The following OSBPL10 variants were observed in gnomAD, a reference collection of about 807,000 sequenced individuals.
The protein encoded by OSBPL10 is oxysterol binding protein like 10.
Under a neutral mutation model 81.7 loss-of-function variants are expected in OSBPL10, and 49 were observed. That is an observed-to-expected ratio of 0.60 (90% CI 0.48 to 0.76). OSBPL10 has a LOEUF of 0.76. OSBPL10 is among the 30% of genes least tolerant of loss of function. OSBPL10 has a pLI of 0.00. For synonymous variants in OSBPL10, 419 were observed against 383.6 expected (o/e 1.09, Z -1.08); for missense variants, 923 against 987.8 (o/e 0.93, Z 0.88).
chr3:31,845,317 G>A lies in OSBPL10; in HGVS notation c.538-15086C>T, dbSNP rs146219159. Among the ~76,000 whole-genome samples the A allele has an allele frequency of 4.1e-3, 624 of 152,122 alleles. 5 individuals are homozygous for A. Among genetic ancestry groups the A allele is most frequent in the African/African-American group, 0.014 (568 of 41,492 alleles). On this transcript the variant is annotated intron_variant, in intron 3 of 11. Coordinates refer to ENST00000396556, the MANE Select transcript of OSBPL10 (RefSeq NM_017784.5). ...ATAAGGCTGCTCTTATTTCTTCTTCGTGTAGGCAGAACTGTATACCCAGGG... is the reference window on the plus strand; with the variant it reads ...ATAAGGCTGCTCTTATTTCTTCTTCATGTAGGCAGAACTGTATACCCAGGG...
At chr3:32,021,132 A>G (rs1173958124) in intron 2 of OSBPL10, among the ~76,000 whole-genome samples, 1 of 110,110 alleles carries the variant, frequency 9.1e-6, no homozygotes, top group African/African-American at 4.8e-5. Context: ...TACCTCTTTA[A>G]AAGCCCTGTG....
intron 4 of OSBPL10, among the ~76,000 whole-genome samples, chr3:31,777,052 T>C (rs1410513947): frequency 6.6e-6 from 1 of 152,238 alleles, no homozygotes; most frequent in Non-Finnish European, 1.5e-5. Flanking sequence ...CACTAAAAGA[T>C]TTAAATGTTG....
intron 2 of OSBPL10, among the ~76,000 whole-genome samples, chr3:32,008,732 C>T (rs1699226443): frequency 6.8e-6 from 1 of 146,128 alleles, no homozygotes; most frequent in African/African-American, 2.6e-5. Context: ...CACACTCCAG[C>T]CTGGGAGACA....
At chr3:31,997,210 AAT>A (rs1213622833) in intron 2 of OSBPL10, among the ~76,000 whole-genome samples, 2 of 152,162 alleles carry the variant, frequency 1.3e-5, no homozygotes, top group Non-Finnish European at 2.9e-5. Flanking sequence ...TTACAATGTC[AAT>A]AGGCAGTGTT....
chr3:31,935,163 A>G (rs1559524123), intron 1 of OSBPL10, among the ~76,000 whole-genome samples: 3 of 152,182 alleles, frequency 2.0e-5, no homozygotes, highest in Admixed American at 6.5e-5. Flanking sequence ...ACTTCTACTT[A>G]TATTTCACTG....
intron 4 of OSBPL10, among the ~76,000 whole-genome samples, chr3:31,829,172 G>A (rs909125480): frequency 4.6e-5 from 7 of 152,142 alleles, no homozygotes; most frequent in Admixed American, 3.9e-4. Flanking sequence ...CGGAGGAAGA[G>A]CCCTGCCACT....
intron 6 of OSBPL10, among the ~76,000 whole-genome samples, chr3:31,727,090 C>T (rs1404943851): frequency 1.3e-5 from 2 of 152,008 alleles, no homozygotes; most frequent in Admixed American, 1.3e-4. Context: ...GCTTTGACCT[C>T]CTAAAATGCT....
At chr3:31,780,216 C>A (rs576176660) in intron 4 of OSBPL10, among the ~76,000 whole-genome samples, 1 of 152,052 alleles carries the variant, frequency 6.6e-6, no homozygotes, top group African/African-American at 2.4e-5. Flanking sequence ...TGGCATGAAC[C>A]CGGGAGGCAG....
rs1048277719 is a variant in OSBPL10 at position 31,691,757 on chromosome 3, A to C, written c.1246-7643T>G. Among the ~76,000 whole-genome samples, 7 of 152,226 alleles carry C rather than the reference A, an allele frequency of 4.6e-5. 2 individuals carry two copies. Among genetic ancestry groups the C allele is most frequent in the Admixed American group, 2.0e-4 (3 of 15,286 alleles). ...AGAAAGAAAAAAGAAACATGACTTC[A>C]TAACCTTGGGAGCCATCTTCGTATT... On this transcript the variant is annotated intron_variant, in intron 7 of 11. Coordinates refer to ENST00000396556, the MANE Select transcript of OSBPL10 (RefSeq NM_017784.5).
At chr3:31,932,120 G>A (rs565516226) in intron 1 of OSBPL10, among the ~76,000 whole-genome samples, 42 of 151,882 alleles carry the variant, frequency 2.8e-4, no homozygotes, top group South Asian at 2.7e-3. Flanking sequence ...ATATTATACC[G>A]AAAAATAAAA....
At chr3:31,856,228 T>A (rs554060450) in intron 3 of OSBPL10, among the ~76,000 whole-genome samples, 1 of 152,018 alleles carries the variant, frequency 6.6e-6, no homozygotes, top group Non-Finnish European at 1.5e-5. Context: ...GGAGAAGGTA[T>A]GCAAAATTGT....
At chr3:31,885,866 G>A (rs916059422) in intron 1 of OSBPL10, among the ~76,000 whole-genome samples, 2 of 150,942 alleles carry the variant, frequency 1.3e-5, no homozygotes, top group Non-Finnish European at 1.5e-5. Flanking sequence ...ATGGTGGCAG[G>A]TGCCTGTAAT....
chr3:31,829,257 T>TAG, intron 4 of OSBPL10, among the ~76,000 whole-genome samples: 1 of 152,264 alleles, frequency 6.6e-6, no homozygotes, highest in East Asian at 1.9e-4. Context: ...TCAAAGGAAG[T>TAG]AGGCAACCAA....
At chr3:31,757,989 T>C (rs907893738) in intron 4 of OSBPL10, among the ~76,000 whole-genome samples, 3 of 152,204 alleles carry the variant, frequency 2.0e-5, no homozygotes, top group Non-Finnish European at 4.4e-5. Context: ...CAAGTCTCCA[T>C]TCTCTGAACC....
At chr3:31,910,831 T>C (rs529756817) in intron 1 of OSBPL10, among the ~76,000 whole-genome samples, 1 of 152,248 alleles carries the variant, frequency 6.6e-6, no homozygotes, top group East Asian at 1.9e-4. Context: ...AACTTACAAA[T>C]ATTTATAGCA....
intron 5 of OSBPL10, among the ~76,000 whole-genome samples, chr3:31,737,116 A>G (rs951257487): frequency 2.0e-5 from 3 of 152,266 alleles, no homozygotes; most frequent in African/African-American, 7.2e-5. Context: ...CAGGACAAGG[A>G]AAGTTGGCAA....
intron 1 of OSBPL10, among the ~76,000 whole-genome samples, chr3:31,932,097 T>C (rs1697267052): frequency 1.3e-5 from 2 of 152,190 alleles, no homozygotes; most frequent in Non-Finnish European, 1.5e-5. Context: ...TTACAGAATT[T>C]ATATATCTGA....
chr3:31,794,695 G>C (rs1454284119), intron 4 of OSBPL10: 1 of 301,998 alleles, frequency 3.3e-6, no homozygotes, highest in Non-Finnish European at 6.9e-6. Flanking sequence ...TATACAAAGA[G>C]AGTCTCAGGT....
At chr3:31,809,595 G>A (rs76756647) in intron 4 of OSBPL10, among the ~76,000 whole-genome samples, 6,116 of 152,242 alleles carry the variant, frequency 0.04, 399 homozygotes, top group African/African-American at 0.14. Flanking sequence ...TGAAGTTCTT[G>A]TGGAATAGTT....
Sources: gnomAD v4.1 joint callset for allele counts (sites outside exome capture counted in the v4.1 genomes callset) on GRCh38, gnomAD v4.1.1 for gene constraint, MANE v1.5 for transcripts, NCBI Gene and HGNC (gene_info 2026-07-23, HGNC 2026-07-21) for gene names.